TRIM47: variants seen among roughly 807,000 people sequenced by gnomAD.
The protein encoded by TRIM47 is E3 ubiquitin-protein ligase TRIM47.
In TRIM47, 46 loss-of-function variants were observed where a neutral mutation model predicts 54.4. That is an observed-to-expected ratio of 0.84 (90% CI 0.67 to 1.08). The LOEUF is 1.08. Ranked by LOEUF, TRIM47 falls within the 50% of genes least tolerant of loss-of-function variation. The pLI is 0.00. For missense variants in TRIM47, 825 were observed against 910.1 expected, an observed-to-expected ratio of 0.91 and a Z score of 1.20; for synonymous variants, 392 against 410.2, an observed-to-expected ratio of 0.96 and a Z score of 0.54.
Position 75,874,330 on chromosome 17 carries a change from G to A in TRIM47, c.*153C>T, listed in dbSNP as rs778088891. 20 of 658,712 alleles carry A rather than the reference G, an allele frequency of 3.0e-5. No homozygotes were observed. Among genetic ancestry groups the A allele is most frequent in the Non-Finnish European group, 4.2e-5 (18 of 427,704 alleles). 40.8% of individuals were successfully genotyped at this position (658,712 alleles called of 1,614,324 possible). On this transcript the variant is annotated 3_prime_UTR_variant, in exon 6 of 6. Coordinates refer to ENST00000254816, the MANE Select transcript of TRIM47 (RefSeq NM_033452.3). This position sits in a 1 kb window ranked among gnomAD's most constrained non-coding sequence, Gnocchi z 6.2. The stretch of plus-strand genomic sequence containing the variant: ...TCTGGGGGTCCTCCTGCCTGGGAGA[G>A]GGAAGGCTGAGTGTATAAAAAGGTG...
In TRIM47 at chr17:75,874,962, C is replaced by T; in HGVS notation, c.1438G>A (p.Gly480Ser). Residue 480 changes from glycine to serine, a missense_variant, in exon 6 of 6, where the codon GGC (glycine) becomes AGC (serine). Coordinates refer to ENST00000254816, the MANE Select transcript of TRIM47 (RefSeq NM_033452.3). The surrounding 1 kb of genome is among the most constrained non-coding windows in gnomAD (Gnocchi z 6.2). ...QVLGEGALDR[G>S]TYYWEVEIIE... ...ATCTCCACCTCCCAGTAGTAGGTGCCTCGGTCCAGGGCACCCTCGCCCAGC... is the reference window on the plus strand; with the variant it reads ...ATCTCCACCTCCCAGTAGTAGGTGCTTCGGTCCAGGGCACCCTCGCCCAGC... 1 of 1,614,154 alleles carries T rather than the reference C, an allele frequency of 6.2e-7. No homozygotes were observed. The highest frequency in any genetic ancestry group is 8.5e-7 in the Non-Finnish European group (1 of 1,180,026).
chr17:75,874,930 C>G lies in TRIM47; in HGVS notation c.1470G>C (p.Glu490Asp). The change falls in exon 6 of 6, where the codon GAG (glutamate) becomes GAC (aspartate). Residue 490 changes from glutamate (E) to aspartate (D), a missense_variant. Coordinates refer to ENST00000254816, the MANE Select transcript of TRIM47 (RefSeq NM_033452.3). The surrounding 1 kb of genome is among the most constrained non-coding windows in gnomAD (Gnocchi z 6.2). ...GTYYWEVEII[E>D]GWVSMGVMAE... The stretch of plus-strand genomic sequence containing the variant: ...CCATGACCCCCATGCTGACCCAGCC[C>G]TCGATAATCTCCACCTCCCAGTAGT... 6.2e-7 allele frequency: 1 copy of G among 1,614,148 alleles called. No homozygotes were observed.
Position 75,878,489 on chromosome 17 carries a change from C to T in TRIM47, c.60G>A (p.Val20=). The change falls in exon 1 of 6, where the codon GTG becomes GTA. Residue 20 remains valine (V), a synonymous_variant. Transcript: ENST00000254816. The part of the protein sequence containing the change: ...PICLEPLREP[V]TLPCGHNFCL... ...AGAAGTTGTGGCCGCAGGGCAGCGT[C>T]ACCGGCTCCCGGAGTGGCTCTAGGC... The T allele has an allele frequency of 7.2e-7, 1 of 1,385,232 alleles. No homozygotes were observed. The highest frequency in any genetic ancestry group is 9.5e-7 in the Non-Finnish European group (1 of 1,056,788). The allele number at this position is 1,385,232 out of a possible 1,614,324, so 85.8% of individuals were successfully genotyped here. A position where few individuals can be genotyped will look rare whatever the true frequency, so the allele number is the denominator to read the frequency against.
Position 75,875,543 on chromosome 17 carries a change from CT to C in TRIM47, c.1202-70del. On this transcript the variant is annotated intron_variant, in intron 4 of 5. Coordinates refer to ENST00000254816, the MANE Select transcript of TRIM47 (RefSeq NM_033452.3). The surrounding 1 kb of genome is among the most constrained non-coding windows in gnomAD (Gnocchi z 6.1). ...CCCTCTGAACCTGTGACTACAATCC[CT>C]ACCCCCTTCACTTCCTCCCAGAGTC... 2.1e-6 allele frequency: 3 copies of C among 1,398,088 alleles called. No homozygotes were observed. The highest frequency in any genetic ancestry group is 3.0e-6 in the Non-Finnish European group (3 of 988,494). The allele number at this position is 1,398,088 out of a possible 1,614,324, so 86.6% of individuals were successfully genotyped here.
In TRIM47 at chr17:75,878,029, G is replaced by A; in HGVS notation, c.520C>T (p.Leu174=). 1 of 1,433,108 alleles carries A rather than the reference G, an allele frequency of 7.0e-7. No homozygotes were observed. Among genetic ancestry groups the A allele is most frequent in the Non-Finnish European group, 9.1e-7 (1 of 1,096,150 alleles). The allele number at this position is 1,433,108 out of a possible 1,614,324, so 88.8% of individuals were successfully genotyped here. A position where few individuals can be genotyped will look rare whatever the true frequency, so the allele number is the denominator to read the frequency against. ...ALRGHRLVPP[L]RRLEESLCPR... ...CACAGGCTCTCCTCTAGCCGGCGCAGCGGCGGCACCAGGCGGTGTCCGCGG... is the reference window on the plus strand; with the variant it reads ...CACAGGCTCTCCTCTAGCCGGCGCAACGGCGGCACCAGGCGGTGTCCGCGG... Residue 174 remains leucine, a synonymous_variant, in exon 1 of 6, where the codon CTG becomes TTG. Coordinates refer to ENST00000254816, the MANE Select transcript of TRIM47 (RefSeq NM_033452.3).
Position 75,876,117 on chromosome 17 carries a change from C to G in TRIM47, c.1003-18G>C. 1 of 1,597,206 alleles carries G rather than the reference C, an allele frequency of 6.3e-7. No individual in the cohort carries two copies. The highest frequency in any genetic ancestry group is 8.5e-7 in the Non-Finnish European group (1 of 1,177,598). Reference sequence around the variant, plus strand: ...AGCAGCTCCTGTGCCAGACAAATGCCCATTAAAGTGCTGCTGGCCATGGCT... The same window carrying G: ...AGCAGCTCCTGTGCCAGACAAATGCGCATTAAAGTGCTGCTGGCCATGGCT... On this transcript the variant is annotated intron_variant, in intron 3 of 5. Transcript: ENST00000254816.
rs377331906 is a variant in TRIM47, at chr17:75,875,042, A to G, written c.1358T>C (p.Leu453Pro). ...CGACAAGGGGTAGTTGATAGGACAC[A>G]GCACCCTCTTGACACCTTTGGTTCC... Reference protein sequence around the residue: ...LFGTKGVKRVLCPINYPLSPT... With the variant: ...LFGTKGVKRVPCPINYPLSPT... Residue 453 changes from leucine to proline, a missense_variant, in exon 6 of 6, where the codon CTG becomes CCG. By Grantham distance (98) the Leu-to-Pro change is moderately conservative (BLOSUM62 -3). Coordinates refer to ENST00000254816, the MANE Select transcript of TRIM47 (RefSeq NM_033452.3). This position sits in a 1 kb window ranked among gnomAD's most constrained non-coding sequence, Gnocchi z 6.1. The G allele has an allele frequency of 3.7e-6, 6 of 1,613,720 alleles. No homozygotes were observed. In the African/African-American group the frequency reaches 8.0e-5, roughly 22 times the overall value.
At position 75,875,686 on chromosome 17, in the gene TRIM47, C is replaced by A; in HGVS notation, c.1202-212G>T. 1.4e-6 allele frequency: 1 copy of A among 715,016 alleles called. No homozygotes were observed. The highest frequency in any genetic ancestry group is 1.8e-5 in the South Asian group (1 of 56,400). The allele number at this position is 715,016 out of a possible 1,614,324, so 44.3% of individuals were successfully genotyped here. On this transcript the variant is annotated intron_variant, in intron 4 of 5. Transcript: ENST00000254816. This position sits in a 1 kb window ranked among gnomAD's most constrained non-coding sequence, Gnocchi z 6.1. ...CTTCCCGGGCCACAGCCCTCTGGAG[C>A]TAGAGGGTGGGCTAGGAGAAGCCCC...
intron 2 of TRIM47, 22 bp from the exon 3 acceptor site, chr17:75,876,514 G>A: frequency 6.4e-7 from 1 of 1,569,308 alleles, no homozygotes; most frequent in Non-Finnish European, 8.6e-7. Context: ...GACAGTAGAG[G>A]GGGCAATGAG....
In TRIM47 at chr17:75,875,241, A is replaced by T; in HGVS notation, c.1277-118T>A. 1.5e-6 allele frequency: 2 copies of T among 1,322,986 alleles called. No homozygotes were observed. The highest frequency in any genetic ancestry group is 2.0e-6 in the Non-Finnish European group (2 of 997,426). 82.0% of individuals were successfully genotyped at this position (1,322,986 alleles called of 1,614,324 possible). Reference sequence around the variant, plus strand: ...CTCTCCCCTGCTTTCCAACCGGCACAACCCAGCCCCGCCGGGGACCACCCC... The same window carrying T: ...CTCTCCCCTGCTTTCCAACCGGCACTACCCAGCCCCGCCGGGGACCACCCC... On this transcript the variant is annotated intron_variant, in intron 5 of 5. Coordinates refer to ENST00000254816, the MANE Select transcript of TRIM47 (RefSeq NM_033452.3). This position sits in a 1 kb window ranked among gnomAD's most constrained non-coding sequence, Gnocchi z 6.1.
In TRIM47 at chr17:75,875,490, C is replaced by T. The variant is rs1452955205; in HGVS notation, c.1202-16G>A. 2 of 1,613,178 alleles carry T rather than the reference C, an allele frequency of 1.2e-6. No individual in the cohort carries two copies. Among genetic ancestry groups the T allele is most frequent in the Non-Finnish European group, 1.7e-6 (2 of 1,179,330 alleles). On this transcript the variant is annotated splice_polypyrimidine_tract_variant and intron_variant, in intron 4 of 5. Coordinates refer to ENST00000254816, the MANE Select transcript of TRIM47 (RefSeq NM_033452.3). The surrounding 1 kb of genome is among the most constrained non-coding windows in gnomAD (Gnocchi z 6.1). The stretch of plus-strand genomic sequence containing the variant: ...TCAGCATCAGCTGTAGAAGAGGAGA[C>T]AGTGGTGAGAACGCCCCCAGACTGC...
chr17:75,874,743 C>G lies in TRIM47; in HGVS notation c.1657G>C (p.Glu553Gln). ...PFSPTVGVCL[E>Q]YADRALAFYA... The stretch of plus-strand genomic sequence containing the variant: ...AAGGCCAAGGCACGGTCAGCGTATT[C>G]CAGGCAGACCCCAACCGTGGGCGAG... Residue 553 changes from glutamate (E) to glutamine (Q), a missense_variant, in exon 6 of 6, where the codon GAA becomes CAA. Physicochemically the swap from Glu to Gln is conservative, Grantham distance 29 (BLOSUM62 2). Coordinates refer to ENST00000254816, the MANE Select transcript of TRIM47 (RefSeq NM_033452.3). The surrounding 1 kb of genome is among the most constrained non-coding windows in gnomAD (Gnocchi z 6.2). The G allele has an allele frequency of 6.2e-7, 1 of 1,614,060 alleles. No individual in the cohort carries two copies. Among genetic ancestry groups the G allele is most frequent in the East Asian group, 2.2e-5 (1 of 44,874 alleles).
rs937133074 is a variant in TRIM47 at position 75,875,760 on chromosome 17, C to G, written c.1201+141G>C. On this transcript the variant is annotated intron_variant, in intron 4 of 5. Transcript: ENST00000254816. This position sits in a 1 kb window ranked among gnomAD's most constrained non-coding sequence, Gnocchi z 6.1. Reference sequence around the variant, plus strand: ...GATTGATCCCCACAGGGTGGCAGCTCTAGTCACTGGCAGGATTTGGGCTCC... The same window carrying G: ...GATTGATCCCCACAGGGTGGCAGCTGTAGTCACTGGCAGGATTTGGGCTCC... The G allele has an allele frequency of 9.8e-7, 1 of 1,024,694 alleles. No individual in the cohort carries two copies. The highest frequency in any genetic ancestry group is 1.4e-6 in the Non-Finnish European group (1 of 707,672). The allele number at this position is 1,024,694 out of a possible 1,614,324, so 63.5% of individuals were successfully genotyped here. A position where few individuals can be genotyped will look rare whatever the true frequency, so the allele number is the denominator to read the frequency against.
At position 75,877,781 on chromosome 17, in the gene TRIM47, A is replaced by G. The variant is rs998112180; in HGVS notation, c.675+93T>C. 6.3e-6 allele frequency: 8 copies of G among 1,264,058 alleles called. No individual in the cohort carries two copies. The African/African-American group carries it at 9.3e-5, about 15-fold the overall frequency. The allele number at this position is 1,264,058 out of a possible 1,614,324, so 78.3% of individuals were successfully genotyped here. ...GGTTAGAGGAGGAGATTAAGACCCA[A>G]CCCGGGAAGACTGGGGGGTCCAAGG... On this transcript the variant is annotated intron_variant, in intron 1 of 5. Coordinates refer to ENST00000254816, the MANE Select transcript of TRIM47 (RefSeq NM_033452.3).
chr17:75,875,291 A>G lies in TRIM47; in HGVS notation c.1276+109T>C. 1 of 1,404,518 alleles carries G rather than the reference A, an allele frequency of 7.1e-7. No homozygotes were observed. Among genetic ancestry groups the G allele is most frequent in the African/African-American group, 1.5e-5 (1 of 68,164 alleles). The allele number at this position is 1,404,518 out of a possible 1,614,324, so 87.0% of individuals were successfully genotyped here. A position where few individuals can be genotyped will look rare whatever the true frequency, so the allele number is the denominator to read the frequency against. ...CAGGAGCTGCCCTAGCTCTCCCCAC[A>G]AACTGGGGAGAGGAATCCTAACCCT... On this transcript the variant is annotated intron_variant, in intron 5 of 5. Transcript: ENST00000254816. The surrounding 1 kb of genome is among the most constrained non-coding windows in gnomAD (Gnocchi z 6.1).
Position 75,877,943 on chromosome 17 carries a change from C to A in TRIM47, c.606G>T (p.Glu202Asp). 6.9e-7 allele frequency: 1 copy of A among 1,451,300 alleles called. No homozygotes were observed. The highest frequency in any genetic ancestry group is 9.0e-7 in the Non-Finnish European group (1 of 1,106,412). The allele number at this position is 1,451,300 out of a possible 1,614,324, so 89.9% of individuals were successfully genotyped here. A position where few individuals can be genotyped will look rare whatever the true frequency, so the allele number is the denominator to read the frequency against. The stretch of plus-strand genomic sequence containing the variant: ...CGCGGTGCTCCTGTGCGGCGCAGGC[C>A]TCGCACAGACACACGCGCTCCGCGC... ...YCRAERVCLC[E>D]ACAAQEHRGH... Residue 202 changes from glutamate to aspartate, a missense_variant, in exon 1 of 6, where the codon GAG becomes GAT. Coordinates refer to ENST00000254816, the MANE Select transcript of TRIM47 (RefSeq NM_033452.3).
chr17:75,875,603 T>C lies in TRIM47; in HGVS notation c.1202-129A>G. On this transcript the variant is annotated intron_variant, in intron 4 of 5. Transcript: ENST00000254816. This position sits in a 1 kb window ranked among gnomAD's most constrained non-coding sequence, Gnocchi z 6.1. ...CCAGGGAGCAAGCACCACCCAGATG[T>C]GGCACGCTGTGCTCACACACATGCC... 3.6e-6 allele frequency: 3 copies of C among 839,860 alleles called. No individual in the cohort carries two copies. Among genetic ancestry groups the C allele is most frequent in the South Asian group, 1.5e-5 (1 of 68,556 alleles). 52.0% of individuals were successfully genotyped at this position (839,860 alleles called of 1,614,324 possible). A position where few individuals can be genotyped will look rare whatever the true frequency, so the allele number is the denominator to read the frequency against.
intron 1 of TRIM47, 151 bp downstream of exon 1, chr17:75,877,723 T>A: frequency 8.1e-7 from 1 of 1,237,744 alleles, no homozygotes; most frequent in Non-Finnish European, 1.0e-6. Context: ...CAGATGACCT[T>A]GTCAAGGCTG....
intron 1 of TRIM47, chr17:75,877,640 C>G: frequency 3.3e-6 from 4 of 1,220,396 alleles, no homozygotes; most frequent in Non-Finnish European, 4.1e-6. Context: ...CTTCAGGTCC[C>G]CTGCCCGCTC....
Sources: gnomAD v4.1 joint callset for allele counts on GRCh38, gnomAD v4.1.1 for gene constraint, Gnocchi (gnomAD v3.1) non-coding constraint, MANE v1.5 for transcripts, NCBI Gene and HGNC (gene_info 2026-07-23, HGNC 2026-07-21) for gene names.